The following DPP6 variants were observed in gnomAD, a reference collection of about 807,000 sequenced individuals.
The protein encoded by DPP6 is A-type potassium channel modulatory protein DPP6.
In DPP6, 69 loss-of-function variants were observed where a neutral mutation model predicts 122.6. The observed-to-expected ratio is 0.56, with a 90% CI of 0.46 to 0.69. DPP6 has a LOEUF of 0.69. Among genes scored for constraint, DPP6 ranks in the 30% least tolerant of loss-of-function variants. The probability of loss-of-function intolerance (pLI) is 0.00; values close to 1 mark genes in which losing one functional copy is unlikely to be tolerated. For missense variants in DPP6, 928 were observed against 1,116.9 expected (o/e 0.83, Z 2.41); for synonymous variants, 418 against 433.1 (o/e 0.97, Z 0.43).
intron 3 of DPP6, among the ~76,000 whole-genome samples, chr7:154,478,347 A>C (rs1822935974): frequency 6.6e-6 from 1 of 152,156 alleles, no homozygotes; most frequent in Non-Finnish European, 1.5e-5. Context: ...CGATTTGTTC[A>C]TGGAACTGTT....
chr7:154,871,177 C>T (rs1265916475), intron 18 of DPP6, among the ~76,000 whole-genome samples: 2 of 152,196 alleles, frequency 1.3e-5, no homozygotes, highest in Non-Finnish European at 2.9e-5. Context: ...CCCAGTAACG[C>T]TTCCCAAGCC....
chr7:153,990,028 G>A (rs1797080552), intron 1 of DPP6, among the ~76,000 whole-genome samples: 1 of 126,210 alleles, frequency 7.9e-6, no homozygotes, highest in Admixed American at 8.4e-5. Context: ...TGCCGGCCTT[G>A]CCTCTGCCAG....
chr7:153,825,036 T>C, the DPP6 span, among the ~76,000 whole-genome samples: 3 of 152,136 alleles, frequency 2.0e-5, no homozygotes, highest in Admixed American at 2.0e-4. Flanking sequence ...TCAGTCACGC[T>C]ACTCAGCTGA....
intron 1 of DPP6, among the ~76,000 whole-genome samples, chr7:154,232,760 T>C (rs911409413): frequency 4.6e-5 from 7 of 152,206 alleles, no homozygotes; most frequent in African/African-American, 2.4e-5. Flanking sequence ...TATCTGTTCC[T>C]CTAGCTATAT....
At chr7:154,327,479 T>C (rs1183526244) in intron 1 of DPP6, among the ~76,000 whole-genome samples, 4 of 152,180 alleles carry the variant, frequency 2.6e-5, no homozygotes, top group African/African-American at 9.7e-5. Flanking sequence ...GTAAAATCAA[T>C]TTTGAAGTCC....
intron 1 of DPP6, among the ~76,000 whole-genome samples, chr7:154,379,897 A>T (rs562362083): frequency 2.0e-5 from 3 of 152,206 alleles, no homozygotes; most frequent in Non-Finnish European, 1.5e-5. Flanking sequence ...CCAAAATGCC[A>T]CTTATGTACA....
At chr7:154,751,412 C>T (rs1843374879) in intron 8 of DPP6, among the ~76,000 whole-genome samples, 1 of 148,204 alleles carries the variant, frequency 6.7e-6, no homozygotes, top group Non-Finnish European at 1.5e-5. Context: ...CCAGCCTGGC[C>T]AACATGGCAA....
chr7:154,343,692 G>A (rs766333763), intron 1 of DPP6, among the ~76,000 whole-genome samples: 7 of 152,176 alleles, frequency 4.6e-5, no homozygotes, highest in Non-Finnish European at 8.8e-5. Flanking sequence ...GCGATTCTCC[G>A]GCCTCAGCCT....
intron 16 of DPP6, among the ~76,000 whole-genome samples, chr7:154,852,711 G>A (rs902161569): frequency 6.6e-6 from 1 of 152,234 alleles, no homozygotes; most frequent in African/African-American, 2.4e-5. Context: ...TAGATGAGGA[G>A]AAGGACAGCA....
At chr7:154,840,833 C>T (rs185008015) in intron 16 of DPP6, among the ~76,000 whole-genome samples, 7 of 152,256 alleles carry the variant, frequency 4.6e-5, no homozygotes, top group South Asian at 4.1e-4. Flanking sequence ...GAGAATGCGC[C>T]GCCAACTCTG....
chr7:154,427,576 G>A (rs918282583), intron 1 of DPP6, among the ~76,000 whole-genome samples: 10 of 152,164 alleles, frequency 6.6e-5, no homozygotes, highest in Non-Finnish European at 1.5e-4. Context: ...TTAAATATTT[G>A]CACTTGGTAT....
chr7:154,546,380 A>T (rs1361661108), intron 4 of DPP6, among the ~76,000 whole-genome samples: 1 of 151,902 alleles, frequency 6.6e-6, no homozygotes, highest in Non-Finnish European at 1.5e-5. Flanking sequence ...GGATTTAAAA[A>T]TTTTGGTTTC....
At chr7:154,129,040 C>A (rs1232787856) in intron 1 of DPP6, among the ~76,000 whole-genome samples, 1 of 152,172 alleles carries the variant, frequency 6.6e-6, no homozygotes, top group Non-Finnish European at 1.5e-5. Flanking sequence ...ATCAGAGATT[C>A]TTACAAACCC....
chr7:154,061,833 T>G (rs1204496968), intron 1 of DPP6, among the ~76,000 whole-genome samples: 3 of 120,526 alleles, frequency 2.5e-5, no homozygotes, highest in South Asian at 3.0e-4. Context: ...TTCCCCCCTT[T>G]GCTCTTAGGA....
intron 7 of DPP6, among the ~76,000 whole-genome samples, chr7:154,671,670 C>T (rs1838564450): frequency 6.6e-6 from 1 of 152,176 alleles, no homozygotes; most frequent in South Asian, 2.1e-4. Context: ...CATGCACACA[C>T]TTTAGAATTA....
chr7:154,556,319 G>A (rs1053237511), intron 4 of DPP6, among the ~76,000 whole-genome samples: 3 of 152,156 alleles, frequency 2.0e-5, no homozygotes, highest in African/African-American at 7.2e-5. Context: ...ATCACAGTCT[G>A]TCTGAATCCA....
chr7:154,390,315 C>T (rs138653390), intron 1 of DPP6, among the ~76,000 whole-genome samples: 1 of 152,248 alleles, frequency 6.6e-6, no homozygotes, highest in African/African-American at 2.4e-5. Flanking sequence ...CCATGGATTA[C>T]CTGGGGGCAG....
At chr7:154,459,752 G>A (rs564445310) in intron 2 of DPP6, among the ~76,000 whole-genome samples, 1 of 136,938 alleles carries the variant, frequency 7.3e-6, no homozygotes, top group African/African-American at 2.8e-5. Flanking sequence ...GGGAGGCTGA[G>A]CCGAGATCAT....
At chr7:154,694,609 T>G (rs1299410815) in intron 7 of DPP6, among the ~76,000 whole-genome samples, 1 of 145,134 alleles carries the variant, frequency 6.9e-6, no homozygotes, top group Non-Finnish European at 1.5e-5. Context: ...TGAGACTCCA[T>G]CTCAAAAAAA....
Sources: allele counts gnomAD v4.1 joint callset (sites outside exome capture counted in the v4.1 genomes callset), GRCh38; gene constraint gnomAD v4.1.1; transcripts MANE v1.5; gene names NCBI Gene and HGNC (gene_info 2026-07-23, HGNC 2026-07-21).